The following FOLH1 variants were observed in gnomAD, a reference collection of about 807,000 sequenced individuals.
FOLH1 encodes folate hydrolase 1.
A neutral mutation model predicts 93.9 loss-of-function variants in FOLH1; 54 were observed. That is an observed-to-expected ratio of 0.57 (90% CI 0.46 to 0.72). The LOEUF (loss-of-function observed/expected upper bound fraction) is 0.72. Ranked by LOEUF, FOLH1 falls within the 30% of genes least tolerant of loss-of-function variation. FOLH1 has a pLI of 0.00. For missense variants in FOLH1, 571 were observed against 892.5 expected, an observed-to-expected ratio of 0.64 and a Z score of 4.59; for synonymous variants, 249 against 303.6, an observed-to-expected ratio of 0.82 and a Z score of 1.87.
At position 49,194,538 on chromosome 11, in the gene FOLH1, A is replaced by C. The variant is rs147591187; in HGVS notation, c.412-1644T>G. On this transcript the variant is annotated intron_variant, in intron 3 of 18. Transcript: ENST00000256999. Reference sequence around the variant, plus strand: ...GTGTTCTAAGGTTTCTATATTGTAGAAATATTGATTGAATTATGACACCAA... The same window carrying C: ...GTGTTCTAAGGTTTCTATATTGTAGCAATATTGATTGAATTATGACACCAA... 9.2e-3 allele frequency among the ~76,000 whole-genome samples: 1,395 copies of C among 152,266 alleles called. 21 individuals carry two copies. The highest frequency in any genetic ancestry group is 0.031 in the African/African-American group (1,287 of 41,558).
chr11:49,147,933 A>G (rs566874480), intron 18 of FOLH1, among the ~76,000 whole-genome samples: 6 of 148,964 alleles, frequency 4.0e-5, no homozygotes, highest in South Asian at 4.2e-4. Context: ...TCTCTTAGGA[A>G]AAAAAGGGGG....
intron 3 of FOLH1, among the ~76,000 whole-genome samples, chr11:49,196,863 A>G (rs1486122115): frequency 6.6e-6 from 1 of 152,218 alleles, no homozygotes; most frequent in Non-Finnish European, 1.5e-5. Context: ...TCTTTTCAAC[A>G]TTATATTGTA....
intron 4 of FOLH1, among the ~76,000 whole-genome samples, chr11:49,187,929 C>T (rs1861599581): frequency 6.6e-6 from 1 of 152,162 alleles, no homozygotes; most frequent in Non-Finnish European, 1.5e-5. Context: ...TATTCCAGAC[C>T]TCCTTATGGG....
At chr11:49,183,971 G>A (rs1459886588) in intron 6 of FOLH1, among the ~76,000 whole-genome samples, 2 of 152,078 alleles carry the variant, frequency 1.3e-5, no homozygotes, top group Non-Finnish European at 2.9e-5. Context: ...TTATTGAACT[G>A]AACTCTTGAG....
rs1390163337 is a variant in FOLH1 at position 49,145,878 on chromosome 11, A to G, written c.*878T>C. Among the ~76,000 whole-genome samples, 5 of 152,178 alleles carry G rather than the reference A, an allele frequency of 3.3e-5. No homozygotes were observed. The highest frequency in any genetic ancestry group is 9.7e-5 in the African/African-American group (4 of 41,450). ...CTACCCTCATGTGAATGAATGCTCT[A>G]TATCAGCAAAATATGGCAAACTACA... On this transcript the variant is annotated 3_prime_UTR_variant, in exon 19 of 19. Transcript: ENST00000256999.
chr11:49,197,723 G>A (rs1245452000), intron 3 of FOLH1, among the ~76,000 whole-genome samples: 1 of 152,172 alleles, frequency 6.6e-6, no homozygotes, highest in Admixed American at 6.6e-5. Flanking sequence ...ATGGGAGGTA[G>A]TAAGAGAACA....
intron 1 of FOLH1, chr11:49,207,940 C>A (rs1354798706): frequency 6.1e-5 from 24 of 390,416 alleles, no homozygotes; most frequent in African/African-American, 5.7e-4. Context: ...GGTAAAAAAA[C>A]AAACAAACAA....
intron 13 of FOLH1, among the ~76,000 whole-genome samples, chr11:49,162,569 A>G (rs1857828995): frequency 6.6e-6 from 1 of 152,148 alleles, no homozygotes; most frequent in Non-Finnish European, 1.5e-5. Flanking sequence ...GTCCCTATCC[A>G]TATTATGAAT....
Position 49,171,274 on chromosome 11 carries a change from C to T in FOLH1, c.1229G>A (p.Trp410Ter). ...AAACAAAATTGTTCTTCTAGGTCTC[C>T]ACCCTAAAATGTATGTGTATATATA... Reference protein sequence around the residue: ...RSFGTLKKEGWRPRRTILFAS... With the variant: ...RSFGTLKKEG The change falls in exon 11 of 19, where the codon TGG becomes TAG. Residue 410 changes from tryptophan to a stop codon, truncating the protein, a stop_gained. Transcript: ENST00000256999. LOFTEE classifies it high-confidence loss of function. 2 of 1,574,990 alleles carry T rather than the reference C, an allele frequency of 1.3e-6. No individual in the cohort carries two copies. The highest frequency in any genetic ancestry group is 1.7e-6 in the Non-Finnish European group (2 of 1,163,000).
At chr11:49,201,997 T>C (rs542250185) in intron 2 of FOLH1, among the ~76,000 whole-genome samples, 1 of 152,244 alleles carries the variant, frequency 6.6e-6, no homozygotes, top group Admixed American at 6.5e-5. Context: ...ACAAAACACA[T>C]CCTGGAAAAG....
chr11:49,174,139 C>T (rs1161057634), intron 9 of FOLH1, among the ~76,000 whole-genome samples: 1 of 152,096 alleles, frequency 6.6e-6, no homozygotes, highest in African/African-American at 2.4e-5. Context: ...GGAACTGGCA[C>T]AAAATAGGTA....
At chr11:49,160,348 A>G (rs1403126765) in intron 13 of FOLH1, among the ~76,000 whole-genome samples, 1 of 151,904 alleles carries the variant, frequency 6.6e-6, no homozygotes, top group Non-Finnish European at 1.5e-5. Context: ...GGTCTTGGTT[A>G]CTTTGTGTCT....
chr11:49,167,058 GA>G (rs917801738), intron 12 of FOLH1, among the ~76,000 whole-genome samples: 25 of 147,970 alleles, frequency 1.7e-4, no homozygotes, highest in Admixed American at 3.4e-4. Context: ...AAAAAAAACA[GA>G]AAAAAACTAT....
intron 17 of FOLH1, among the ~76,000 whole-genome samples, chr11:49,149,981 A>G (rs982715289): frequency 6.6e-6 from 1 of 152,142 alleles, no homozygotes; most frequent in Non-Finnish European, 1.5e-5. Context: ...TAAGAGATGG[A>G]GTCTTGCTCT....
At chr11:49,168,044 CTTTT>C (rs11345881) in intron 12 of FOLH1, among the ~76,000 whole-genome samples, 2 of 138,348 alleles carry the variant, frequency 1.4e-5, no homozygotes, top group Non-Finnish European at 1.6e-5. Flanking sequence ...TCATTTAGTC[CTTTT>C]TTTTTTTTTT....
intron 11 of FOLH1, among the ~76,000 whole-genome samples, chr11:49,170,991 T>C (rs1859192808): frequency 6.6e-6 from 1 of 152,212 alleles, no homozygotes; most frequent in South Asian, 2.1e-4. Flanking sequence ...TAAGTGGCTC[T>C]AAAAGGTTCA....
At chr11:49,148,134 G>A (rs1416135136) in intron 18 of FOLH1, among the ~76,000 whole-genome samples, 2 of 151,710 alleles carry the variant, frequency 1.3e-5, no homozygotes, top group African/African-American at 4.8e-5. Context: ...TCAATGTTTG[G>A]CAGAAAAAAA....
intron 4 of FOLH1, among the ~76,000 whole-genome samples, chr11:49,188,016 A>G (rs2135218575): frequency 6.6e-6 from 1 of 152,324 alleles, no homozygotes; most frequent in East Asian, 1.9e-4. Flanking sequence ...CTTTTCACAG[A>G]TGTTGATCCC....
At chr11:49,166,694 T>C (rs1454284592) in intron 12 of FOLH1, among the ~76,000 whole-genome samples, 1 of 152,198 alleles carries the variant, frequency 6.6e-6, no homozygotes, top group Non-Finnish European at 1.5e-5. Context: ...ATTATTTGTA[T>C]TATTTGAGAA....
Sources: gnomAD v4.1 joint callset for allele counts (sites outside exome capture counted in the v4.1 genomes callset) on GRCh38, gnomAD v4.1.1 for gene constraint, MANE v1.5 for transcripts, NCBI Gene and HGNC (gene_info 2026-07-23, HGNC 2026-07-21) for gene names.